The following PTPRD variants were observed in gnomAD, a reference collection of about 807,000 sequenced individuals.
The protein encoded by PTPRD is protein tyrosine phosphatase receptor type D, also known as receptor-type tyrosine-protein phosphatase delta.
Under a neutral mutation model 214.5 loss-of-function variants are expected in PTPRD, and 34 were observed. That is an observed-to-expected ratio of 0.16 (90% confidence interval 0.12 to 0.21). The LOEUF is 0.21. Ranked by LOEUF, PTPRD falls within the 10% of genes least tolerant of loss-of-function variation. The probability of loss-of-function intolerance (pLI) is 1.00; values close to 1 mark genes in which losing one functional copy is unlikely to be tolerated. For missense variants in PTPRD, 2,545 were observed against 2,398.7 expected (o/e 1.06, Z -1.27); for synonymous variants, 1,128 against 845.7 (o/e 1.33, Z -5.79).
At chr9:9,554,208 T>A (rs1244743456) in intron 8 of PTPRD, among the ~76,000 whole-genome samples, 1 of 152,022 alleles carries the variant, frequency 6.6e-6, no homozygotes, top group African/African-American at 2.4e-5. Flanking sequence ...ATCAAGTAAT[T>A]TATCTTCAAT....
At chr9:9,061,899 C>T (rs1355406820) in intron 10 of PTPRD, among the ~76,000 whole-genome samples, 1 of 151,994 alleles carries the variant, frequency 6.6e-6, no homozygotes, top group African/African-American at 2.4e-5. Context: ...GAATCCCTGG[C>T]AAGTTCAAAG....
chr9:8,692,279 T>A (rs1179400691), intron 12 of PTPRD, among the ~76,000 whole-genome samples: 1 of 152,230 alleles, frequency 6.6e-6, no homozygotes, highest in East Asian at 1.9e-4. Context: ...TTCATTCATG[T>A]CACAATTTAA....
intron 12 of PTPRD, among the ~76,000 whole-genome samples, chr9:8,643,225 T>C (rs2096614853): frequency 6.6e-6 from 1 of 152,230 alleles, no homozygotes; most frequent in Non-Finnish European, 1.5e-5. Context: ...TTGAGTTCCA[T>C]GCACTAGACT....
intron 11 of PTPRD, among the ~76,000 whole-genome samples, chr9:9,016,407 C>T (rs974645404): frequency 6.6e-6 from 1 of 152,090 alleles, no homozygotes; most frequent in Non-Finnish European, 1.5e-5. Context: ...ATATTACTAA[C>T]CCTTTATGAG....
chr9:9,360,631 C>A (rs2055739006), intron 9 of PTPRD, among the ~76,000 whole-genome samples: 1 of 150,718 alleles, frequency 6.6e-6, no homozygotes, highest in Non-Finnish European at 1.5e-5. Context: ...TATTTAGTAG[C>A]AAAAATAACA....
intron 10 of PTPRD, among the ~76,000 whole-genome samples, chr9:9,069,637 T>C (rs2099740867): frequency 6.6e-6 from 1 of 152,222 alleles, no homozygotes; most frequent in South Asian, 2.1e-4. Context: ...AAATGCCAAT[T>C]ATTTAGTTTC....
At chr9:9,764,753 G>A (rs532749308) in intron 6 of PTPRD, among the ~76,000 whole-genome samples, 52 of 152,114 alleles carry the variant, frequency 3.4e-4, no homozygotes, top group African/African-American at 1.0e-3. Flanking sequence ...AGGATTCCAC[G>A]GATAGCAAGT....
At chr9:8,337,077 A>G (rs1328266701) in intron 43 of PTPRD, among the ~76,000 whole-genome samples, 1 of 152,188 alleles carries the variant, frequency 6.6e-6, no homozygotes, top group Non-Finnish European at 1.5e-5. Flanking sequence ...ATACCATTTG[A>G]CCCAGCAATC....
At chr9:8,737,673 G>C (rs192859095) in intron 11 of PTPRD, among the ~76,000 whole-genome samples, 10 of 152,098 alleles carry the variant, frequency 6.6e-5, no homozygotes, top group Non-Finnish European at 1.3e-4. Flanking sequence ...TCTTGAGACA[G>C]AGTCTCACTC....
intron 8 of PTPRD, among the ~76,000 whole-genome samples, chr9:9,430,572 C>CG (rs533488383): frequency 1.0e-3 from 158 of 152,116 alleles, no homozygotes; most frequent in African/African-American, 3.7e-3. Flanking sequence ...TCATATGGAA[C>CG]AAAAAAGAGC....
At chr9:10,111,767 A>G (rs1357767183) in intron 3 of PTPRD, among the ~76,000 whole-genome samples, 1 of 152,126 alleles carries the variant, frequency 6.6e-6, no homozygotes, top group Non-Finnish European at 1.5e-5. Context: ...AATCAAATAA[A>G]CCTGCAAGTA....
At chr9:9,039,645 C>T (rs981321295) in intron 10 of PTPRD, among the ~76,000 whole-genome samples, 4 of 152,194 alleles carry the variant, frequency 2.6e-5, no homozygotes, top group Admixed American at 2.0e-4. Flanking sequence ...CTATCTGTCC[C>T]TTTACAGAAG....
intron 5 of PTPRD, among the ~76,000 whole-genome samples, chr9:9,776,581 C>T (rs1270906332): frequency 6.6e-6 from 1 of 152,060 alleles, no homozygotes; most frequent in African/African-American, 2.4e-5. Context: ...TTATTTGTTG[C>T]TCTTTTTGCA....
chr9:8,580,555 C>G lies in PTPRD; in HGVS notation c.353-51776G>C, dbSNP rs570122325. On this transcript the variant is annotated intron_variant, in intron 14 of 45. Transcript: ENST00000381196. ...TAAAGATACCAAAGTACGTGATAGT[C>G]TGAACTATCAGGGAAGTCTTTGACA... Among the ~76,000 whole-genome samples the G allele has an allele frequency of 2.6e-5, 4 of 152,236 alleles. No homozygotes were observed. The South Asian group carries it at 8.3e-4, about 32-fold the overall frequency.
At chr9:8,631,421 T>G (rs2096248020) in intron 14 of PTPRD, among the ~76,000 whole-genome samples, 1 of 151,860 alleles carries the variant, frequency 6.6e-6, no homozygotes, top group Non-Finnish European at 1.5e-5. Context: ...GGTAGCTGAC[T>G]TGATTGCTTT....
chr9:9,592,785 C>G (rs2092870262), intron 7 of PTPRD, among the ~76,000 whole-genome samples: 1 of 152,060 alleles, frequency 6.6e-6, no homozygotes. Context: ...TGGCTCACAC[C>G]TGTAATCCCA....
intron 11 of PTPRD, among the ~76,000 whole-genome samples, chr9:8,765,089 A>G (rs1356850824): frequency 6.6e-6 from 1 of 152,148 alleles, no homozygotes; most frequent in Non-Finnish European, 1.5e-5. Flanking sequence ...CCAGGAAGTG[A>G]AATAAAACGC....
intron 2 of PTPRD, among the ~76,000 whole-genome samples, chr9:10,548,976 G>A (rs2060737171): frequency 6.6e-6 from 1 of 152,126 alleles, no homozygotes; most frequent in Non-Finnish European, 1.5e-5. Flanking sequence ...AATTGCATGT[G>A]TCTGCTTTGA....
chr9:9,684,842 C>T (rs942378750), intron 7 of PTPRD, among the ~76,000 whole-genome samples: 5 of 151,538 alleles, frequency 3.3e-5, no homozygotes, highest in African/African-American at 1.2e-4. Flanking sequence ...TAAAGTCACA[C>T]TACTTAGATT....
Sources: allele counts gnomAD v4.1 joint callset (sites outside exome capture counted in the v4.1 genomes callset), GRCh38; gene constraint gnomAD v4.1.1; transcripts MANE v1.5; gene names NCBI Gene and HGNC (gene_info 2026-07-23, HGNC 2026-07-21).